The following GNAL variants were observed in gnomAD, a reference collection of about 807,000 sequenced individuals.
The protein encoded by GNAL is guanine nucleotide-binding protein G(olf) subunit alpha.
GNAL carries 18 observed loss-of-function variants against 55.1 expected under a neutral mutation model. That is an observed-to-expected ratio of 0.33 (90% CI 0.23 to 0.48). GNAL has a LOEUF of 0.48. GNAL is among the 20% of genes least tolerant of loss of function. The pLI is 0.99. For synonymous variants in GNAL, 253 were observed against 237.0 expected, an observed-to-expected ratio of 1.07 and a Z score of -0.62; for missense variants, 412 against 614.1, an observed-to-expected ratio of 0.67 and a Z score of 3.48.
intron 4 of GNAL, among the ~76,000 whole-genome samples, chr18:11,764,261 T>C (rs1345277375): frequency 1.3e-5 from 2 of 152,028 alleles, no homozygotes; most frequent in Non-Finnish European, 2.9e-5. Flanking sequence ...CCTGCCACCA[T>C]GCCCAGCTAA....
chr18:11,733,917 G>A (rs953094796), intron 1 of GNAL, among the ~76,000 whole-genome samples: 1 of 151,300 alleles, frequency 6.6e-6, no homozygotes, highest in African/African-American at 2.4e-5. Context: ...TTGTGTGTGC[G>A]TGTCATTCTG....
intron 1 of GNAL, among the ~76,000 whole-genome samples, chr18:11,719,798 T>C (rs967557639): frequency 6.6e-6 from 1 of 152,178 alleles, no homozygotes; most frequent in Non-Finnish European, 1.5e-5. Context: ...AGAGCTGCGC[T>C]CACACCATGC....
chr18:11,836,905 T>C (rs2035509715), intron 5 of GNAL, among the ~76,000 whole-genome samples: 1 of 152,196 alleles, frequency 6.6e-6, no homozygotes, highest in Non-Finnish European at 1.5e-5. Context: ...TGTCATCAAC[T>C]TCACATCTCC....
At chr18:11,836,797 C>T (rs1272688961) in intron 5 of GNAL, among the ~76,000 whole-genome samples, 3 of 152,362 alleles carry the variant, frequency 2.0e-5, no homozygotes, top group East Asian at 1.9e-4. Flanking sequence ...ATGCTAGACA[C>T]TGCCAGCCAC....
rs1394505615 is a variant in GNAL at position 11,862,460 on chromosome 18, T to C, written c.777+11T>C. ...ACACCCACAGACCAGGTATGTGGAA[T>C]TAGGGTCCCCCACCACACACCAGAA... On this transcript the variant is annotated intron_variant, in intron 6 of 11. Transcript: ENST00000334049. The C allele has an allele frequency of 6.3e-7, 1 of 1,577,416 alleles. No individual in the cohort carries two copies. Among genetic ancestry groups the C allele is most frequent in the South Asian group, 1.1e-5 (1 of 90,286 alleles).
intron 4 of GNAL, among the ~76,000 whole-genome samples, chr18:11,798,465 A>G (rs1299439401): frequency 6.6e-6 from 1 of 152,108 alleles, no homozygotes; most frequent in Non-Finnish European, 1.5e-5. Context: ...CATAGAGTTC[A>G]CCTGAACCTG....
chr18:11,850,404 TCA>T (rs2035831399), intron 5 of GNAL, among the ~76,000 whole-genome samples: 1 of 152,202 alleles, frequency 6.6e-6, no homozygotes, highest in African/African-American at 2.4e-5. Flanking sequence ...GAATTCGCTC[TCA>T]GAGTTCATTT....
intron 4 of GNAL, among the ~76,000 whole-genome samples, chr18:11,809,239 C>T (rs2034745735): frequency 6.6e-6 from 1 of 150,746 alleles, no homozygotes; most frequent in Admixed American, 6.6e-5. Flanking sequence ...GCCTGGGCGA[C>T]AGAGCGAGAC....
chr18:11,801,236 A>G lies in GNAL; in HGVS notation c.625-23682A>G, dbSNP rs1046904073. 3.3e-5 allele frequency among the ~76,000 whole-genome samples: 5 copies of G among 152,300 alleles called. No individual in the cohort carries two copies. In the South Asian group the frequency reaches 1.0e-3, roughly 32 times the overall value. On this transcript the variant is annotated intron_variant, in intron 4 of 11. Coordinates refer to ENST00000334049, the MANE Select transcript of GNAL (RefSeq NM_182978.4). Reference sequence around the variant, plus strand: ...GTATAGGGGGTGATACAGAGAATGAATGAAACATAATAAATCAATAAACCA... The same window carrying G: ...GTATAGGGGGTGATACAGAGAATGAGTGAAACATAATAAATCAATAAACCA...
At chr18:11,739,868 C>T (rs115623954) in intron 1 of GNAL, among the ~76,000 whole-genome samples, 184 of 150,690 alleles carry the variant, frequency 1.2e-3, no homozygotes, top group African/African-American at 4.4e-3. Context: ...TTTATGTTGC[C>T]ACTAATAAGC....
intron 4 of GNAL, among the ~76,000 whole-genome samples, chr18:11,798,393 C>T (rs1235141735): frequency 2.0e-5 from 3 of 152,190 alleles, no homozygotes; most frequent in Non-Finnish European, 4.4e-5. Context: ...ACCAGAGTGC[C>T]TCTTTTCCTA....
chr18:11,853,857 C>G (rs1270949278), intron 5 of GNAL: 1 of 167,104 alleles, frequency 6.0e-6, no homozygotes, highest in Non-Finnish European at 1.5e-5. Flanking sequence ...GAGTCTCGCT[C>G]TGTTGCCCAG....
intron 4 of GNAL, among the ~76,000 whole-genome samples, chr18:11,809,595 T>C (rs1389998583): frequency 6.6e-6 from 1 of 152,110 alleles, no homozygotes; most frequent in Non-Finnish European, 1.5e-5. Context: ...TAGCAAGGCA[T>C]GGTGGCATAC....
intron 5 of GNAL, chr18:11,852,972 A>G (rs2035916118): frequency 6.0e-6 from 1 of 167,108 alleles, no homozygotes; most frequent in Non-Finnish European, 1.5e-5. Context: ...GAAGTCTTAT[A>G]AATTATGCTA....
intron 4 of GNAL, among the ~76,000 whole-genome samples, chr18:11,796,685 A>G (rs1046160676): frequency 6.6e-6 from 1 of 152,060 alleles, no homozygotes; most frequent in African/African-American, 2.4e-5. Context: ...AGAAACAGGT[A>G]TAACCATTTT....
At chr18:11,874,560 A>C (rs2143904096) in intron 10 of GNAL, among the ~76,000 whole-genome samples, 1 of 127,622 alleles carries the variant, frequency 7.8e-6, no homozygotes, top group African/African-American at 3.3e-5. Context: ...GTGCCACTGC[A>C]CTCCAGCCTG....
chr18:11,788,136 A>G (rs2034113225), intron 4 of GNAL, among the ~76,000 whole-genome samples: 1 of 152,190 alleles, frequency 6.6e-6, no homozygotes, highest in Non-Finnish European at 1.5e-5. Context: ...CAGCTGTGGA[A>G]TAAACGTGTT....
chr18:11,716,932 C>T (rs150516590), intron 1 of GNAL, among the ~76,000 whole-genome samples: 3,275 of 152,328 alleles, frequency 0.021, 54 homozygotes, highest in Middle Eastern at 0.054. Flanking sequence ...CTGCCAGTCC[C>T]GCACGGTTGT....
intron 1 of GNAL, among the ~76,000 whole-genome samples, chr18:11,727,845 T>G (rs2032247141): frequency 6.6e-6 from 1 of 152,212 alleles, no homozygotes; most frequent in African/African-American, 2.4e-5. Context: ...TGGCTATACA[T>G]TTTAACCTAT....
Sources: allele counts gnomAD v4.1 joint callset (sites outside exome capture counted in the v4.1 genomes callset), GRCh38; gene constraint gnomAD v4.1.1; transcripts MANE v1.5; gene names NCBI Gene and HGNC (gene_info 2026-07-23, HGNC 2026-07-21).